IFT81: variants seen among roughly 807,000 people sequenced by gnomAD.
The protein encoded by IFT81 is intraflagellar transport protein 81 homolog.
IFT81 carries 72 observed loss-of-function variants against 102.6 expected under a neutral mutation model. The observed-to-expected ratio is 0.70, with a 90% CI of 0.58 to 0.85. IFT81 has a LOEUF of 0.85. IFT81 is among the 40% of genes least tolerant of loss of function. The pLI is 0.00. For missense variants in IFT81, 723 were observed against 787.3 expected, an observed-to-expected ratio of 0.92 and a Z score of 0.98; for synonymous variants, 237 against 242.7, an observed-to-expected ratio of 0.98 and a Z score of 0.22.
chr12:110,156,850 A>G (rs895598268), intron 10 of IFT81, among the ~76,000 whole-genome samples: 13 of 152,024 alleles, frequency 8.6e-5, no homozygotes, highest in Non-Finnish European at 1.5e-4. Context: ...TTGGTTGACA[A>G]TTCTTTCTCT....
chr12:110,182,924 G>A (rs537605796), intron 12 of IFT81, among the ~76,000 whole-genome samples: 1 of 152,126 alleles, frequency 6.6e-6, no homozygotes, highest in African/African-American at 2.4e-5. Flanking sequence ...GCTTTCTATC[G>A]GGAACATAGC....
In IFT81 at chr12:110,124,754, C is replaced by G. The variant is rs1019158179; in HGVS notation, c.-129C>G. 3.3e-5 allele frequency: 5 copies of G among 152,282 alleles called. No homozygotes were observed. Among genetic ancestry groups the G allele is most frequent in the African/African-American group, 1.2e-4 (5 of 41,480 alleles). 9.4% of individuals were successfully genotyped at this position (152,282 alleles called of 1,614,324 possible). A position where few individuals can be genotyped will look rare whatever the true frequency, so the allele number is the denominator to read the frequency against. ...ACTCCCAGGAGGCTGCGGGTCGATGCTCGTGCCAGCCTGGGACCCAGGCAG... is the reference window on the plus strand; with the variant it reads ...ACTCCCAGGAGGCTGCGGGTCGATGGTCGTGCCAGCCTGGGACCCAGGCAG... On this transcript the variant is annotated 5_prime_UTR_variant, in exon 1 of 19. Coordinates refer to ENST00000242591, the MANE Select transcript of IFT81 (RefSeq NM_014055.4).
intron 10 of IFT81, among the ~76,000 whole-genome samples, chr12:110,162,669 T>C (rs1896202721): frequency 6.6e-6 from 1 of 152,138 alleles, no homozygotes; most frequent in Non-Finnish European, 1.5e-5. Context: ...TTTGTTTCTC[T>C]GCTGATATGT....
At chr12:110,202,421 G>GA (rs1414027937) in intron 14 of IFT81, among the ~76,000 whole-genome samples, 1 of 150,586 alleles carries the variant, frequency 6.6e-6, no homozygotes, top group Admixed American at 6.6e-5. Context: ...TTGCAATAAA[G>GA]AAACTGCTTA....
chr12:110,157,851 T>C (rs1895926208), intron 10 of IFT81, among the ~76,000 whole-genome samples: 2 of 152,200 alleles, frequency 1.3e-5, no homozygotes, highest in Admixed American at 1.3e-4. Flanking sequence ...ATTGCACTTT[T>C]TAGCTCCAGG....
intron 14 of IFT81, among the ~76,000 whole-genome samples, chr12:110,195,402 A>G (rs1263972681): frequency 2.0e-5 from 3 of 151,882 alleles, no homozygotes; most frequent in African/African-American, 4.8e-5. Flanking sequence ...AGTAGATCGT[A>G]TTGTCTTAGT....
chr12:110,135,445 C>T lies in IFT81; in HGVS notation c.696+8C>T. On this transcript the variant is annotated splice_region_variant and intron_variant, in intron 7 of 18. Transcript: ENST00000242591. ...CAGGAACAAAAGAATCAGGTATCCACATAAAAGTTTATATTCTCAGTATGA... is the reference window on the plus strand; with the variant it reads ...CAGGAACAAAAGAATCAGGTATCCATATAAAAGTTTATATTCTCAGTATGA... 6.6e-7 allele frequency: 1 copy of T among 1,510,122 alleles called. No individual in the cohort carries two copies. Among genetic ancestry groups the T allele is most frequent in the Non-Finnish European group, 9.2e-7 (1 of 1,090,928 alleles). The allele number at this position is 1,510,122 out of a possible 1,614,324, so 93.5% of individuals were successfully genotyped here. A position where few individuals can be genotyped will look rare whatever the true frequency, so the allele number is the denominator to read the frequency against.
At chr12:110,201,608 T>C (rs868623102) in intron 14 of IFT81, among the ~76,000 whole-genome samples, 5 of 151,888 alleles carry the variant, frequency 3.3e-5, no homozygotes, top group Middle Eastern at 3.4e-3. Context: ...TTTTTATTTA[T>C]TTATTTATTT....
chr12:110,217,393 G>A (rs888929082), intron 18 of IFT81, among the ~76,000 whole-genome samples: 12 of 152,060 alleles, frequency 7.9e-5, no homozygotes, highest in African/African-American at 2.9e-4. Context: ...AAGAAATTAA[G>A]TGCCTTGCTT....
chr12:110,162,021 G>T (rs192544094), intron 10 of IFT81, among the ~76,000 whole-genome samples: 2 of 152,216 alleles, frequency 1.3e-5, no homozygotes, highest in African/African-American at 4.8e-5. Flanking sequence ...GCTGCTAAGA[G>T]TAGCCATTTG....
At chr12:110,184,861 G>T (rs535357401) in intron 12 of IFT81, among the ~76,000 whole-genome samples, 1 of 152,188 alleles carries the variant, frequency 6.6e-6, no homozygotes, top group Non-Finnish European at 1.5e-5. Flanking sequence ...GAAGCATAGC[G>T]TTGGTGCAAA....
intron 18 of IFT81, among the ~76,000 whole-genome samples, chr12:110,217,009 T>A (rs1475100588): frequency 6.6e-6 from 1 of 152,184 alleles, no homozygotes; most frequent in Non-Finnish European, 1.5e-5. Context: ...GAGCTATAAC[T>A]GTACATTCTT....
chr12:110,187,956 G>A (rs527914209), intron 12 of IFT81, among the ~76,000 whole-genome samples: 45 of 152,260 alleles, frequency 3.0e-4, no homozygotes, highest in African/African-American at 1.1e-3. Flanking sequence ...ACCAAAGCCT[G>A]TGCACCCTGG....
At chr12:110,148,189 T>G (rs568748836) in intron 10 of IFT81, among the ~76,000 whole-genome samples, 1 of 152,174 alleles carries the variant, frequency 6.6e-6, no homozygotes, top group Non-Finnish European at 1.5e-5. Context: ...TCCCATGATA[T>G]TTCTAACAGT....
chr12:110,205,435 T>C lies in IFT81; in HGVS notation c.1645-8T>C. ...ATAATGTCACCTATCTAAAATTATA[T>C]ATTATAGGAAGTTAGAAGACTCCGT... is the stretch of plus-strand genomic sequence containing the variant. On this transcript the variant is annotated splice_polypyrimidine_tract_variant and splice_region_variant and intron_variant, in intron 15 of 18. Transcript: ENST00000242591. 6.3e-7 allele frequency: 1 copy of C among 1,581,028 alleles called. No homozygotes were observed. The highest frequency in any genetic ancestry group is 1.2e-5 in the South Asian group (1 of 84,574).
intron 11 of IFT81, among the ~76,000 whole-genome samples, chr12:110,174,246 C>T (rs974787106): frequency 2.8e-5 from 4 of 141,110 alleles, no homozygotes; most frequent in African/African-American, 1.1e-4. Flanking sequence ...CCACTGCACT[C>T]CAGCCTGGGC....
At chr12:110,182,966 AC>A (rs1897369544) in intron 12 of IFT81, among the ~76,000 whole-genome samples, 1 of 152,128 alleles carries the variant, frequency 6.6e-6, no homozygotes, top group Admixed American at 6.5e-5. Context: ...TAAGGTGTAC[AC>A]CCCATCCTAA....
chr12:110,182,498 G>A (rs778941905), intron 12 of IFT81, among the ~76,000 whole-genome samples: 1 of 152,122 alleles, frequency 6.6e-6, no homozygotes, highest in South Asian at 2.1e-4. Flanking sequence ...TGAGACTCTA[G>A]TAATCATGCC....
intron 9 of IFT81, among the ~76,000 whole-genome samples, chr12:110,145,245 A>G (rs757921654): frequency 6.6e-6 from 1 of 151,264 alleles, no homozygotes; most frequent in Non-Finnish European, 1.5e-5. Flanking sequence ...GTTGCCCAGC[A>G]TGGTCTTGAC....
Sources: gnomAD v4.1 joint callset for allele counts (sites outside exome capture counted in the v4.1 genomes callset) on GRCh38, gnomAD v4.1.1 for gene constraint, MANE v1.5 for transcripts, NCBI Gene and HGNC (gene_info 2026-07-23, HGNC 2026-07-21) for gene names.